YAP1: variants seen among roughly 807,000 people sequenced by gnomAD.
YAP1 encodes Yes1 associated transcriptional regulator, also known as transcriptional coactivator YAP1.
A neutral mutation model predicts 56.9 loss-of-function variants in YAP1; 5 were observed. That is an observed-to-expected ratio of 0.09 (90% CI 0.05 to 0.18). YAP1 has a LOEUF of 0.18. Ranked by LOEUF, YAP1 falls within the 10% of genes least tolerant of loss-of-function variation. The pLI, the probability that YAP1 is intolerant of heterozygous loss-of-function variation, is 1.00. For synonymous variants in YAP1, 265 were observed against 248.1 expected, an observed-to-expected ratio of 1.07 and a Z score of -0.64; for missense variants, 539 against 651.8, an observed-to-expected ratio of 0.83 and a Z score of 1.88.
chr11:102,144,843 A>G (rs1311019276), intron 2 of YAP1, among the ~76,000 whole-genome samples: 2 of 144,936 alleles, frequency 1.4e-5, no homozygotes, highest in Non-Finnish European at 3.0e-5. Context: ...CATTTATCCT[A>G]CCTTTGGCCA....
rs201772622 is a variant in YAP1 at position 102,229,818 on chromosome 11, A to G, written c.1393A>G (p.Ile465Val). ...AACACTGGAAGGAGATGGAATGAAC[A>G]TAGAAGGAGAGGAGCTGATGCCAAG... ...LGTLEGDGMN[I>V]EGEELMPSLQ... Residue 465 changes from isoleucine (I) to valine (V), a missense_variant, in exon 9 of 9, where the codon ATA becomes GTA. By Grantham distance (29) the Ile-to-Val change is conservative. Coordinates refer to ENST00000282441, the MANE Select transcript of YAP1 (RefSeq NM_001130145.3). 7.4e-5 allele frequency: 120 copies of G among 1,614,086 alleles called. No homozygotes were observed. Among genetic ancestry groups the G allele is most frequent in the Non-Finnish European group, 9.7e-5 (115 of 1,180,016 alleles).
At chr11:102,143,574 A>T (rs922353971) in intron 2 of YAP1, among the ~76,000 whole-genome samples, 1 of 152,104 alleles carries the variant, frequency 6.6e-6, no homozygotes, top group Non-Finnish European at 1.5e-5. Context: ...TATTTTATGT[A>T]TGTGCGATAA....
intron 2 of YAP1, among the ~76,000 whole-genome samples, chr11:102,126,567 C>T (rs1565433260): frequency 1.3e-5 from 2 of 152,204 alleles, no homozygotes; most frequent in African/African-American, 4.8e-5. Context: ...TCTGAGGCCT[C>T]CTTAGCCATG....
chr11:102,121,455 A>G (rs1462016155), intron 2 of YAP1, among the ~76,000 whole-genome samples: 1 of 147,114 alleles, frequency 6.8e-6, no homozygotes, highest in African/African-American at 2.5e-5. Context: ...AAAAAAAACT[A>G]AAAACAGAAA....
chr11:102,124,084 C>T (rs991708299), intron 2 of YAP1, among the ~76,000 whole-genome samples: 8 of 151,522 alleles, frequency 5.3e-5, no homozygotes, highest in African/African-American at 1.5e-4. Flanking sequence ...CCTGAGTAGC[C>T]GGGATTACAG....
At chr11:102,186,918 A>G (rs1947995187) in intron 4 of YAP1, among the ~76,000 whole-genome samples, 1 of 151,932 alleles carries the variant, frequency 6.6e-6, no homozygotes, top group South Asian at 2.1e-4. Context: ...ATGCATCTAA[A>G]AAAGAGCAGA....
chr11:102,216,012 G>A (rs1016356626), intron 6 of YAP1, among the ~76,000 whole-genome samples: 1 of 152,188 alleles, frequency 6.6e-6, no homozygotes, highest in Admixed American at 6.6e-5. Flanking sequence ...GCGCGTGCTA[G>A]CGTGAACACA....
In YAP1 at chr11:102,127,442, A is replaced by C. The variant is rs547722384; in HGVS notation, c.572+13048A>C. On this transcript the variant is annotated intron_variant, in intron 2 of 8. Coordinates refer to ENST00000282441, the MANE Select transcript of YAP1 (RefSeq NM_001130145.3). The stretch of plus-strand genomic sequence containing the variant: ...TGTGGCTTCAGAGGTTGGAAGCCCC[A>C]AGCCTTGGCAGCTTCCACTTGGTGT... 2.2e-3 allele frequency among the ~76,000 whole-genome samples: 334 copies of C among 152,338 alleles called. 2 individuals carry two copies. Among genetic ancestry groups the C allele is most frequent in the African/African-American group, 7.7e-3 (322 of 41,584 alleles).
rs569944153 is a variant in YAP1 at position 102,215,543 on chromosome 11, C to T, written c.1032+5979C>T. On this transcript the variant is annotated intron_variant, in intron 6 of 8. Transcript: ENST00000282441. ...AGGCTGGAGTGCAATGGCACGATCT[C>T]GGCTCACTGCAACCTCCTCCTCGTG... Among the ~76,000 whole-genome samples the T allele has an allele frequency of 8.5e-5, 13 of 152,316 alleles. No homozygotes were observed. The East Asian group carries it at 2.1e-3, about 25-fold the overall frequency.
intron 2 of YAP1, among the ~76,000 whole-genome samples, chr11:102,147,908 A>G (rs186869096): frequency 6.6e-6 from 1 of 152,284 alleles, no homozygotes; most frequent in African/African-American, 2.4e-5. Context: ...CATATTAGAG[A>G]TATTAGAATG....
At chr11:102,135,435 C>T (rs1227461553) in intron 2 of YAP1, among the ~76,000 whole-genome samples, 1 of 152,200 alleles carries the variant, frequency 6.6e-6, no homozygotes, top group Admixed American at 6.5e-5. Context: ...CCAAAGATAG[C>T]TTCACTCATA....
intron 6 of YAP1, among the ~76,000 whole-genome samples, chr11:102,220,701 T>C (rs1352376944): frequency 1.3e-5 from 2 of 152,068 alleles, no homozygotes; most frequent in Non-Finnish European, 2.9e-5. Context: ...GACATGAGTC[T>C]ATGCAGGAAC....
At chr11:102,184,899 G>T (rs1026357434) in intron 3 of YAP1, among the ~76,000 whole-genome samples, 1 of 152,200 alleles carries the variant, frequency 6.6e-6, no homozygotes, top group African/African-American at 2.4e-5. Context: ...TTGGGATCTT[G>T]TACCAGACTG....
At chr11:102,161,048 T>G (rs12788822) in intron 2 of YAP1, among the ~76,000 whole-genome samples, 1 of 146,272 alleles carries the variant, frequency 6.8e-6, no homozygotes. Flanking sequence ...ACCAATAATT[T>G]CTTTCTTTTT....
chr11:102,146,443 A>G (rs529583440), intron 2 of YAP1, among the ~76,000 whole-genome samples: 4 of 152,326 alleles, frequency 2.6e-5, no homozygotes, highest in Admixed American at 2.0e-4. Context: ...TCATGCATGC[A>G]TTGGTAGCAT....
intron 6 of YAP1, among the ~76,000 whole-genome samples, chr11:102,219,044 T>TA (rs1171953245): frequency 2.0e-5 from 3 of 152,324 alleles, no homozygotes; most frequent in African/African-American, 7.2e-5. Flanking sequence ...TTATTTTAGT[T>TA]ATGACTTACA....
At chr11:102,202,350 T>TC (rs1398577463) in intron 4 of YAP1, among the ~76,000 whole-genome samples, 2 of 150,342 alleles carry the variant, frequency 1.3e-5, no homozygotes, top group Non-Finnish European at 3.0e-5. Flanking sequence ...TTTTTTTTTT[T>TC]TGGTATTTTT....
chr11:102,137,438 G>T lies in YAP1; in HGVS notation c.572+23044G>T, dbSNP rs953577716. 4.6e-5 allele frequency among the ~76,000 whole-genome samples: 7 copies of T among 152,152 alleles called. No individual in the cohort carries two copies. The East Asian group carries it at 1.3e-3, about 29-fold the overall frequency. Reference sequence around the variant, plus strand: ...TGCCATATAATGTTTTAATATCCTTGTTAACAAATTTATCAAAATCACATA... The same window carrying T: ...TGCCATATAATGTTTTAATATCCTTTTTAACAAATTTATCAAAATCACATA... On this transcript the variant is annotated intron_variant, in intron 2 of 8. Transcript: ENST00000282441.
chr11:102,183,802 C>T (rs1295638029), intron 3 of YAP1, among the ~76,000 whole-genome samples: 4 of 151,638 alleles, frequency 2.6e-5, no homozygotes, highest in Admixed American at 6.6e-5. Flanking sequence ...GAGGGCCGGG[C>T]GCGGTGGCTC....
Sources: gnomAD v4.1 joint callset for allele counts (sites outside exome capture counted in the v4.1 genomes callset) on GRCh38, gnomAD v4.1.1 for gene constraint, MANE v1.5 for transcripts, NCBI Gene and HGNC (gene_info 2026-07-23, HGNC 2026-07-21) for gene names.